Variants in PCDH15 observed in about 807,000 individuals in gnomAD.
The protein encoded by PCDH15 is protocadherin-15.
A neutral mutation model predicts 178.5 loss-of-function variants in PCDH15; 129 were observed. The observed-to-expected ratio is 0.72, with a 90% CI of 0.63 to 0.84. The LOEUF (loss-of-function observed/expected upper bound fraction) is 0.84, where lower values mean the gene tolerates loss of function less well. PCDH15 is among the 40% of genes least tolerant of loss of function. The pLI is 0.00. For synonymous variants in PCDH15, 800 were observed against 732.0 expected, an observed-to-expected ratio of 1.09 and a Z score of -1.50; for missense variants, 2,230 against 2,099.9, an observed-to-expected ratio of 1.06 and a Z score of -1.21.
chr10:54,312,642 A>G (rs1194192859), intron 8 of PCDH15, among the ~76,000 whole-genome samples: 1 of 152,124 alleles, frequency 6.6e-6, no homozygotes, highest in Non-Finnish European at 1.5e-5. Flanking sequence ...ATGAAGCCTC[A>G]GTCTTCAATC....
rs545611343 is a variant in PCDH15 at position 54,486,582 on chromosome 10, C to T, written c.157+41230G>A. ...TTTCTTTCTTCCTTTCCCTTCCTTCCTTCCTTTCTTTTCTTTCTTTCTTTT... is the reference window on the plus strand; with the variant it reads ...TTTCTTTCTTCCTTTCCCTTCCTTCTTTCCTTTCTTTTCTTTCTTTCTTTT... On this transcript the variant is annotated intron_variant, in intron 3 of 37. Coordinates refer to ENST00000644397, the MANE Select transcript of PCDH15 (RefSeq NM_001384140.1). 2.4e-4 allele frequency among the ~76,000 whole-genome samples: 36 copies of T among 151,250 alleles called. No homozygotes were observed. In the East Asian group the frequency reaches 3.3e-3, roughly 14 times the overall value.
At chr10:55,035,904 T>C (rs1447788895) in intron 2 of PCDH15, among the ~76,000 whole-genome samples, 1 of 152,144 alleles carries the variant, frequency 6.6e-6, no homozygotes. Flanking sequence ...ATTGAATAGA[T>C]ATATTAAGAA....
chr10:54,357,601 T>C (rs1465919563), intron 5 of PCDH15, among the ~76,000 whole-genome samples: 2 of 152,216 alleles, frequency 1.3e-5, no homozygotes, highest in East Asian at 1.9e-4. Context: ...AGGTAATTTA[T>C]AGATTCAATG....
chr10:53,875,113 AAG>A (rs150645904), intron 26 of PCDH15, among the ~76,000 whole-genome samples: 1 of 152,064 alleles, frequency 6.6e-6, no homozygotes, highest in East Asian at 1.9e-4. Flanking sequence ...GAGTTTCAGA[AAG>A]AGAGAAAGCG....
At chr10:54,527,194 T>A (rs534294723) in intron 3 of PCDH15, among the ~76,000 whole-genome samples, 2 of 152,210 alleles carry the variant, frequency 1.3e-5, no homozygotes, top group Admixed American at 6.5e-5. Context: ...AGGTGGCCGA[T>A]GCAGAACAAA....
chr10:54,564,585 T>G (rs2088717225), intron 2 of PCDH15, among the ~76,000 whole-genome samples: 2 of 152,140 alleles, frequency 1.3e-5, no homozygotes, highest in Non-Finnish European at 2.9e-5. Flanking sequence ...TGGTTGCATA[T>G]AAATGATGTG....
chr10:55,551,208 A>G (rs1166792508), intron 2 of PCDH15, among the ~76,000 whole-genome samples: 2 of 152,070 alleles, frequency 1.3e-5, no homozygotes, highest in Non-Finnish European at 2.9e-5. Flanking sequence ...TAAGGCTATT[A>G]TGAAAATAGA....
intron 10 of PCDH15, among the ~76,000 whole-genome samples, chr10:54,211,305 C>T (rs1321996067): frequency 6.6e-6 from 1 of 152,088 alleles, no homozygotes; most frequent in Non-Finnish European, 1.5e-5. Flanking sequence ...ATGTACTGCC[C>T]TGGGTAAACC....
chr10:54,146,980 A>ATATATATATAATGTATATATATAGTGTG (rs2044030008), intron 14 of PCDH15, among the ~76,000 whole-genome samples: 4 of 118,828 alleles, frequency 3.4e-5, no homozygotes, highest in African/African-American at 1.5e-4. Context: ...TATATAGTGT[A>ATATATATATAATGTATATATATAGTGTG]TATATATATA....
At chr10:54,426,540 C>T (rs1052119114) in intron 3 of PCDH15, among the ~76,000 whole-genome samples, 1 of 152,156 alleles carries the variant, frequency 6.6e-6, no homozygotes, top group Non-Finnish European at 1.5e-5. Context: ...GGAACGGTAC[C>T]AGTTTGTGGC....
At chr10:55,361,587 G>T (rs1588953686) in intron 2 of PCDH15, among the ~76,000 whole-genome samples, 1 of 151,978 alleles carries the variant, frequency 6.6e-6, no homozygotes, top group African/African-American at 2.4e-5. Flanking sequence ...TTATTTGATA[G>T]TTGCTAATCA....
Position 54,892,464 on chromosome 10 carries a change from A to C in PCDH15, c.-29+4986T>G, listed in dbSNP as rs1187520381. ...AAGAAACACAGTATCTAGTAAAGTAAAAAAATGCAAAAAAAATTCTCACAA... is the reference window on the plus strand; with the variant it reads ...AAGAAACACAGTATCTAGTAAAGTACAAAAATGCAAAAAAAATTCTCACAA... On this transcript the variant is annotated intron_variant, in intron 3 of 5. Transcript: ENST00000458638. Among the ~76,000 whole-genome samples, 5 of 151,916 alleles carry C rather than the reference A, an allele frequency of 3.3e-5. No homozygotes were observed. In the East Asian group the frequency reaches 9.6e-4, roughly 29 times the overall value.
intron 2 of PCDH15, among the ~76,000 whole-genome samples, chr10:55,045,765 A>G (rs1391017877): frequency 1.3e-5 from 2 of 152,026 alleles, no homozygotes; most frequent in Non-Finnish European, 1.5e-5. Context: ...CATTTTCACA[A>G]AAAAGTAATG....
intron 6 of PCDH15, among the ~76,000 whole-genome samples, chr10:54,337,869 A>G (rs1941492839): frequency 6.6e-6 from 1 of 152,176 alleles, no homozygotes; most frequent in Non-Finnish European, 1.5e-5. Context: ...CTATAGCTAT[A>G]AAACCCTAAC....
At chr10:55,618,633 T>G (rs1390772143) in intron 2 of PCDH15, among the ~76,000 whole-genome samples, 1 of 152,056 alleles carries the variant, frequency 6.6e-6, no homozygotes, top group Non-Finnish European at 1.5e-5. Context: ...GCATGTTACC[T>G]GAATTATCTC....
intron 2 of PCDH15, among the ~76,000 whole-genome samples, chr10:55,008,909 C>CA (rs556731408): frequency 9.9e-4 from 150 of 151,170 alleles, no homozygotes; most frequent in African/African-American, 3.4e-3. Context: ...AAAACAAAAA[C>CA]AAAAAAAACC....
chr10:54,074,531 T>C (rs2094304688), intron 17 of PCDH15, among the ~76,000 whole-genome samples: 2 of 152,194 alleles, frequency 1.3e-5, no homozygotes, highest in Non-Finnish European at 2.9e-5. Context: ...CTTTCTTCCA[T>C]CTTAAGGCCG....
At chr10:54,467,715 A>G (rs371852629) in intron 3 of PCDH15, among the ~76,000 whole-genome samples, 11 of 150,812 alleles carry the variant, frequency 7.3e-5, no homozygotes, top group Admixed American at 6.6e-4. Flanking sequence ...CTCCTCCCCA[A>G]ATATTTAAAA....
chr10:54,739,262 A>G (rs1160338264), intron 1 of PCDH15, among the ~76,000 whole-genome samples: 3 of 151,998 alleles, frequency 2.0e-5, no homozygotes, highest in Non-Finnish European at 4.4e-5. Flanking sequence ...TAACATTTCT[A>G]TATTCCAGCA....
Sources: gnomAD v4.1 joint callset for allele counts (sites outside exome capture counted in the v4.1 genomes callset) on GRCh38, gnomAD v4.1.1 for gene constraint, MANE v1.5 for transcripts, NCBI Gene and HGNC (gene_info 2026-07-23, HGNC 2026-07-21) for gene names.